Variants in MALRD1 observed in about 807,000 individuals in gnomAD.
MALRD1 encodes the protein MAM and LDL receptor class A domain containing 1.
A neutral mutation model predicts 242.1 loss-of-function variants in MALRD1; 247 were observed. That is an observed-to-expected ratio of 1.02 (90% CI 0.92 to 1.13). The LOEUF is 1.13. MALRD1 is among the 50% of genes most tolerant of loss of function. The pLI, the probability that MALRD1 is intolerant of heterozygous loss-of-function variation, is 0.00. For missense variants in MALRD1, 2,989 were observed against 2,533.1 expected (o/e 1.18, Z -3.86); for synonymous variants, 995 against 866.6 (o/e 1.15, Z -2.60).
intron 9 of MALRD1, among the ~76,000 whole-genome samples, chr10:19,134,339 A>G (rs1423105836): frequency 2.0e-5 from 3 of 152,218 alleles, no homozygotes; most frequent in African/African-American, 7.2e-5. Flanking sequence ...ACACATGGAA[A>G]GCTCTATGTA....
intron 31 of MALRD1, among the ~76,000 whole-genome samples, chr10:19,498,905 G>A (rs1837842749): frequency 6.6e-6 from 1 of 152,146 alleles, no homozygotes; most frequent in Non-Finnish European, 1.5e-5. Context: ...CCCTAAGGGT[G>A]CCATTAAATT....
chr10:19,309,300 C>A (rs77927009), intron 21 of MALRD1, among the ~76,000 whole-genome samples: 1 of 151,412 alleles, frequency 6.6e-6, no homozygotes, highest in Admixed American at 6.6e-5. Context: ...ACAACACTCA[C>A]CAATATTTAA....
At chr10:19,655,511 T>C (rs1437761708) in intron 36 of MALRD1, among the ~76,000 whole-genome samples, 2 of 143,314 alleles carry the variant, frequency 1.4e-5, no homozygotes, top group African/African-American at 2.5e-5. Context: ...TGTGTGTGTG[T>C]ACATATATAT....
Position 19,136,788 on chromosome 10 carries a change from G to C in MALRD1, c.1411+7G>C. 1 of 1,228,922 alleles carries C rather than the reference G, an allele frequency of 8.1e-7. No individual in the cohort carries two copies. The highest frequency in any genetic ancestry group is 4.1e-5 in the South Asian group (1 of 24,256). The allele number at this position is 1,228,922 out of a possible 1,614,324, so 76.1% of individuals were successfully genotyped here. ...GAAGACCCAGCAACTTGCTGTAAGTGAGTGAATGGCTTACTAGTTTACATG... is the reference window on the plus strand; with the variant it reads ...GAAGACCCAGCAACTTGCTGTAAGTCAGTGAATGGCTTACTAGTTTACATG... On this transcript the variant is annotated splice_region_variant and intron_variant, in intron 10 of 39. Coordinates refer to ENST00000454679, the MANE Select transcript of MALRD1 (RefSeq NM_001142308.3).
At chr10:19,112,035 C>G (rs1331563851) in intron 5 of MALRD1, among the ~76,000 whole-genome samples, 2 of 151,992 alleles carry the variant, frequency 1.3e-5, no homozygotes, top group Admixed American at 6.6e-5. Context: ...TCATAACAGA[C>G]TAAACCTAGT....
At position 19,607,902 on chromosome 10, in the gene MALRD1, G is replaced by A. The variant is rs948067772; in HGVS notation, c.6070G>A (p.Glu2024Lys). Residue 2024 changes from glutamate (E) to lysine (K), a missense_variant and splice_region_variant, in exon 35 of 40, where the codon GAA becomes AAA. By Grantham distance (56) the Glu-to-Lys change is moderately conservative. Transcript: ENST00000454679. ...DFQLDESSCS[E>K]CPLNYCRNGG... ...CCAGCTTGATGAGTCCAGCTGCTCC[G>A]GTACCCCATTTCCATTCAGATATTC... 3.2e-6 allele frequency: 5 copies of A among 1,549,018 alleles called. No homozygotes were observed. In the African/African-American group the frequency reaches 4.1e-5, roughly 13 times the overall value.
intron 18 of MALRD1, among the ~76,000 whole-genome samples, chr10:19,220,494 C>T (rs796074055): frequency 7.9e-5 from 12 of 152,302 alleles, no homozygotes; most frequent in African/African-American, 2.9e-4. Context: ...ATAACTATTT[C>T]ATACCAATAT....
chr10:19,469,190 A>G (rs1836372979), intron 29 of MALRD1, among the ~76,000 whole-genome samples: 1 of 152,120 alleles, frequency 6.6e-6, no homozygotes, highest in Non-Finnish European at 1.5e-5. Context: ...TATTTTTAAT[A>G]TACGCTTTCA....
chr10:19,674,974 AC>A (rs1174572400), intron 36 of MALRD1, among the ~76,000 whole-genome samples: 1 of 151,320 alleles, frequency 6.6e-6, no homozygotes, highest in Non-Finnish European at 1.5e-5. Flanking sequence ...TTTTAAAAAA[AC>A]TTTTTTTTAG....
intron 8 of MALRD1, among the ~76,000 whole-genome samples, chr10:19,133,559 T>C (rs1833197514): frequency 6.6e-6 from 1 of 152,204 alleles, no homozygotes; most frequent in Non-Finnish European, 1.5e-5. Flanking sequence ...TAACTGTTAT[T>C]TAGAATTTTA....
chr10:19,507,227 A>C (rs1833182985), intron 31 of MALRD1, among the ~76,000 whole-genome samples: 1 of 152,178 alleles, frequency 6.6e-6, no homozygotes, highest in African/African-American at 2.4e-5. Flanking sequence ...ATTTCAGTTA[A>C]GCATGAGATT....
At chr10:19,611,495 A>G (rs181669895) in intron 35 of MALRD1, among the ~76,000 whole-genome samples, 6 of 152,164 alleles carry the variant, frequency 3.9e-5, no homozygotes, top group East Asian at 3.9e-4. Flanking sequence ...CTGTGTAATC[A>G]GTTGTGAATT....
At chr10:19,379,536 T>G (rs1845750680) in intron 26 of MALRD1, among the ~76,000 whole-genome samples, 1 of 152,206 alleles carries the variant, frequency 6.6e-6, no homozygotes, top group African/African-American at 2.4e-5. Context: ...TTATTTCTTC[T>G]TTGACTCAAT....
intron 2 of MALRD1, among the ~76,000 whole-genome samples, chr10:19,069,649 C>G (rs1291305798): frequency 6.6e-6 from 1 of 151,476 alleles, no homozygotes; most frequent in Non-Finnish European, 1.5e-5. Context: ...GAAATGTTTT[C>G]CTACTGGATA....
intron 18 of MALRD1, among the ~76,000 whole-genome samples, chr10:19,238,513 G>C (rs12263366): frequency 3.0e-5 from 1 of 33,024 alleles, no homozygotes; most frequent in South Asian, 7.7e-4. Context: ...AATATATAAT[G>C]TATATTATAT....
chr10:19,565,820 C>G (rs1397067713), intron 32 of MALRD1, among the ~76,000 whole-genome samples: 1 of 152,060 alleles, frequency 6.6e-6, no homozygotes, highest in Admixed American at 6.6e-5. Context: ...GCTTCTTTTC[C>G]AAAATGTCCA....
intron 34 of MALRD1, among the ~76,000 whole-genome samples, chr10:19,597,017 C>T (rs1838132503): frequency 1.3e-5 from 2 of 151,996 alleles, no homozygotes; most frequent in South Asian, 4.2e-4. Context: ...GAGAGATGAC[C>T]TTGGGATGTT....
intron 36 of MALRD1, among the ~76,000 whole-genome samples, chr10:19,636,441 A>G (rs552532342): frequency 6.6e-6 from 1 of 152,330 alleles, no homozygotes; most frequent in South Asian, 2.1e-4. Context: ...ATGCTTAGGG[A>G]CAGAACAAAA....
chr10:19,660,909 C>T (rs1841397300), intron 36 of MALRD1, among the ~76,000 whole-genome samples: 1 of 152,150 alleles, frequency 6.6e-6, no homozygotes, highest in Admixed American at 6.6e-5. Flanking sequence ...GTTACTTCAA[C>T]ATCATTCTTC....
Sources: allele counts gnomAD v4.1 joint callset (sites outside exome capture counted in the v4.1 genomes callset), GRCh38; gene constraint gnomAD v4.1.1; transcripts MANE v1.5; gene names NCBI Gene and HGNC (gene_info 2026-07-23, HGNC 2026-07-21).